The following ST3GAL3 variants were observed in gnomAD, a reference collection of about 807,000 sequenced individuals.
ST3GAL3 encodes ST3 beta-galactoside alpha-2,3-sialyltransferase 3.
A neutral mutation model predicts 50.1 loss-of-function variants in ST3GAL3; 21 were observed. The ratio of observed to expected loss-of-function variants is 0.42; its 90% CI spans 0.30 to 0.60. ST3GAL3 has a LOEUF of 0.60. Among genes scored for constraint, ST3GAL3 ranks in the 20% least tolerant of loss-of-function variants. The probability of loss-of-function intolerance (pLI) is 0.19; values close to 1 mark genes in which losing one functional copy is unlikely to be tolerated. For synonymous variants in ST3GAL3, 183 were observed against 190.0 expected, an observed-to-expected ratio of 0.96 and a Z score of 0.30; for missense variants, 353 against 489.4, an observed-to-expected ratio of 0.72 and a Z score of 2.63.
At chr1:43,754,882 C>T (rs1687475619) in intron 2 of ST3GAL3, among the ~76,000 whole-genome samples, 1 of 150,292 alleles carries the variant, frequency 6.7e-6, no homozygotes, top group Non-Finnish European at 1.5e-5. Flanking sequence ...TTTGTGAGGT[C>T]AAGGCTGCAC....
At chr1:43,892,308 AGTGCAGTAG>A (rs2076793963) in intron 5 of ST3GAL3, among the ~76,000 whole-genome samples, 1 of 152,074 alleles carries the variant, frequency 6.6e-6, no homozygotes, top group South Asian at 2.1e-4. Flanking sequence ...CCCAGGCTGG[AGTGCAGTAG>A]TGTGATCTGA....
intron 1 of ST3GAL3, among the ~76,000 whole-genome samples, chr1:43,735,363 G>A (rs915267001): frequency 1.3e-5 from 2 of 152,168 alleles, no homozygotes; most frequent in South Asian, 2.1e-4. Context: ...GCCCCAAAAA[G>A]CAAAGAAGTT....
chr1:43,802,833 A>T (rs1356417804), intron 3 of ST3GAL3, among the ~76,000 whole-genome samples: 1 of 152,228 alleles, frequency 6.6e-6, no homozygotes, highest in Non-Finnish European at 1.5e-5. Context: ...GCCGGCAATA[A>T]AATGTTATTC....
At chr1:43,881,553 C>G (rs1047176606) in intron 5 of ST3GAL3, among the ~76,000 whole-genome samples, 6 of 152,356 alleles carry the variant, frequency 3.9e-5, no homozygotes, top group Admixed American at 1.3e-4. Context: ...ACTTCCCTCC[C>G]TCCTTCCTCT....
At chr1:43,824,363 T>TAA (rs76516582) in intron 4 of ST3GAL3, among the ~76,000 whole-genome samples, 125 of 139,434 alleles carry the variant, frequency 9.0e-4, no homozygotes, top group African/African-American at 3.0e-3. Context: ...TTTAATGCCT[T>TAA]AAAAAAAAAA....
chr1:43,829,380 C>T (rs2063235481), intron 4 of ST3GAL3, among the ~76,000 whole-genome samples: 1 of 152,348 alleles, frequency 6.6e-6, no homozygotes, highest in South Asian at 2.1e-4. Flanking sequence ...CCTCCACTCT[C>T]TATTATTTTG....
At chr1:43,800,670 C>T (rs547586509) in intron 3 of ST3GAL3, among the ~76,000 whole-genome samples, 1 of 152,216 alleles carries the variant, frequency 6.6e-6, no homozygotes, top group Non-Finnish European at 1.5e-5. Context: ...GTCTAAACCT[C>T]TCTTTCCTCA....
chr1:43,806,024 G>A (rs78650145), intron 3 of ST3GAL3, among the ~76,000 whole-genome samples: 2,905 of 152,210 alleles, frequency 0.019, 105 homozygotes, highest in African/African-American at 0.065. Flanking sequence ...GTGAACCACC[G>A]TGCCCGGCAA....
At chr1:43,795,056 A>G (rs1357486826) in intron 3 of ST3GAL3, among the ~76,000 whole-genome samples, 2 of 152,204 alleles carry the variant, frequency 1.3e-5, no homozygotes, top group Non-Finnish European at 2.9e-5. Flanking sequence ...TCCATTTTAC[A>G]GTAACTCACT....
Position 43,899,123 on chromosome 1 carries a change from G to A in ST3GAL3, c.462-45G>A, listed in dbSNP as rs779709024. The A allele has an allele frequency of 1.2e-6, 2 of 1,613,316 alleles. No individual in the cohort carries two copies. Among genetic ancestry groups the A allele is most frequent in the Admixed American group, 3.3e-5 (2 of 60,006 alleles). ...GCCAAAGGAGCAGGGAAAGAGACCTGGTGGGCAGCTCTCTGTACAGAGGTC... is the reference window on the plus strand; with the variant it reads ...GCCAAAGGAGCAGGGAAAGAGACCTAGTGGGCAGCTCTCTGTACAGAGGTC... On this transcript the variant is annotated intron_variant, in intron 7 of 11. Transcript: ENST00000347631. This position sits in a 1 kb window ranked among gnomAD's most constrained non-coding sequence, Gnocchi z 5.4.
At chr1:43,917,679 A>G (rs1226860446) in intron 9 of ST3GAL3, among the ~76,000 whole-genome samples, 2 of 110,440 alleles carry the variant, frequency 1.8e-5, no homozygotes, top group South Asian at 4.7e-4. Flanking sequence ...TTATATATAT[A>G]TATATTTTAA....
rs141890644 is a variant in ST3GAL3 at position 43,769,722 on chromosome 1, C to T, written c.119-22380C>T. Among the ~76,000 whole-genome samples the T allele has an allele frequency of 2.7e-3, 406 of 152,256 alleles. 2 individuals carry two copies. The highest frequency in any genetic ancestry group is 3.9e-3 in the Non-Finnish European group (267 of 68,026). ...TATCTTGAGAACTCCTGTAATTAGT[C>T]ATCCGGGAAACTACATAAGAAAAAG... On this transcript the variant is annotated intron_variant, in intron 2 of 11. Coordinates refer to ENST00000347631, the MANE Select transcript of ST3GAL3 (RefSeq NM_006279.5).
intron 5 of ST3GAL3, among the ~76,000 whole-genome samples, chr1:43,867,548 T>C (rs980102166): frequency 2.0e-5 from 3 of 152,182 alleles, no homozygotes; most frequent in Non-Finnish European, 4.4e-5. Context: ...TATCAGCACA[T>C]AGATGAAGTT....
chr1:43,870,549 A>G (rs1055658845), intron 5 of ST3GAL3, among the ~76,000 whole-genome samples: 2 of 150,570 alleles, frequency 1.3e-5, no homozygotes, highest in African/African-American at 4.9e-5. Context: ...TGTACATAAA[A>G]GGCCTGAAAC....
chr1:43,757,483 CAG>C (rs1688560295), intron 2 of ST3GAL3, among the ~76,000 whole-genome samples: 1 of 152,090 alleles, frequency 6.6e-6, no homozygotes, highest in Admixed American at 6.6e-5. Context: ...AGACAGAAAA[CAG>C]AGCCCAGAAA....
chr1:43,920,149 C>T (rs1021089081), intron 9 of ST3GAL3: 13 of 534,748 alleles, frequency 2.4e-5, no homozygotes, highest in South Asian at 6.0e-5. Flanking sequence ...TGTGCCTGCC[C>T]GACGACTCCC....
intron 5 of ST3GAL3, among the ~76,000 whole-genome samples, chr1:43,844,353 C>A (rs981509250): frequency 6.6e-6 from 1 of 152,188 alleles, no homozygotes; most frequent in Admixed American, 6.5e-5. Context: ...CAACCAGCAC[C>A]CAACATAAGG....
At chr1:43,776,066 T>TA (rs1697120020) in intron 2 of ST3GAL3, among the ~76,000 whole-genome samples, 1 of 152,218 alleles carries the variant, frequency 6.6e-6, no homozygotes, top group African/African-American at 2.4e-5. Context: ...ACAATTTACT[T>TA]ACTTAAAGTT....
intron 3 of ST3GAL3, among the ~76,000 whole-genome samples, chr1:43,813,880 C>CAT (rs1383437969): frequency 1.7e-5 from 1 of 58,614 alleles, no homozygotes; most frequent in African/African-American, 4.6e-5. Flanking sequence ...CACACACACA[C>CAT]ACACACACAC....
Sources: gnomAD v4.1 joint callset for allele counts (sites outside exome capture counted in the v4.1 genomes callset) on GRCh38, gnomAD v4.1.1 for gene constraint, Gnocchi (gnomAD v3.1) non-coding constraint, MANE v1.5 for transcripts, NCBI Gene and HGNC (gene_info 2026-07-23, HGNC 2026-07-21) for gene names.